PRKG2: variants seen among roughly 807,000 people sequenced by gnomAD.
PRKG2 encodes cGMP-dependent protein kinase 2.
A neutral mutation model predicts 97.2 loss-of-function variants in PRKG2; 33 were observed. That is an observed-to-expected ratio of 0.34 (90% CI 0.26 to 0.45). The LOEUF (loss-of-function observed/expected upper bound fraction) is 0.45. Ranked by LOEUF, PRKG2 falls within the 20% of genes least tolerant of loss-of-function variation. The pLI is 1.00. For missense variants in PRKG2, 638 were observed against 900.0 expected (o/e 0.71, Z 3.73); for synonymous variants, 330 against 321.8 (o/e 1.03, Z -0.27).
intron 17 of PRKG2, among the ~76,000 whole-genome samples, chr4:81,096,273 G>A (rs922731079): frequency 6.6e-6 from 1 of 152,152 alleles, no homozygotes; most frequent in African/African-American, 2.4e-5. Context: ...TGGGCATAGT[G>A]GCTCATGCCT....
intron 9 of PRKG2, among the ~76,000 whole-genome samples, chr4:81,146,286 T>C (rs1363976624): frequency 6.6e-6 from 1 of 152,160 alleles, no homozygotes; most frequent in Non-Finnish European, 1.5e-5. Flanking sequence ...AATCCTAAAG[T>C]CAAGTTTAAA....
chr4:81,213,440 T>C (rs1376792690), intron 1 of PRKG2, among the ~76,000 whole-genome samples: 1 of 151,904 alleles, frequency 6.6e-6, no homozygotes, highest in African/African-American at 2.4e-5. Context: ...CCTTAAGAGG[T>C]GAGCAGGCTG....
At chr4:81,186,729 C>T (rs1417214594) in intron 2 of PRKG2, among the ~76,000 whole-genome samples, 1 of 151,916 alleles carries the variant, frequency 6.6e-6, no homozygotes, top group Admixed American at 6.6e-5. Flanking sequence ...GACCCCTAGC[C>T]AGACTAATAA....
intron 2 of PRKG2, among the ~76,000 whole-genome samples, chr4:81,198,856 T>C (rs778324233): frequency 3.3e-5 from 5 of 152,196 alleles, no homozygotes; most frequent in Non-Finnish European, 7.3e-5. Context: ...AGTGTCTACA[T>C]GCACATTGTC....
chr4:81,101,987 C>G (rs1192395475), intron 17 of PRKG2, among the ~76,000 whole-genome samples: 1 of 152,104 alleles, frequency 6.6e-6, no homozygotes, highest in African/African-American at 2.4e-5. Flanking sequence ...CCACCTTCAG[C>G]TTTATAGCTT....
Position 81,171,747 on chromosome 4 carries a change from G to T in PRKG2, c.686C>A (p.Thr229Asn). ...EKLLSSIPMW[T>N]TFGELAILYN... ...TAAAATGGCAAGCTCCCCAAATGTGGTCCACATAGGGATGGAGGACAGCAA... is the reference window on the plus strand; with the variant it reads ...TAAAATGGCAAGCTCCCCAAATGTGTTCCACATAGGGATGGAGGACAGCAA... The change falls in exon 4 of 19, where the codon ACC becomes AAC. Residue 229 changes from threonine (T) to asparagine (N), a missense_variant. This residue lies in a region of PRKG2 where 332 missense variants were observed against 421.7 expected (regional missense o/e 0.79). Transcript: ENST00000264399. 1 of 1,611,344 alleles carries T rather than the reference G, an allele frequency of 6.2e-7. No individual in the cohort carries two copies. Among genetic ancestry groups the T allele is most frequent in the Non-Finnish European group, 8.5e-7 (1 of 1,178,650 alleles).
At chr4:81,181,996 A>T (rs886393654) in intron 2 of PRKG2, among the ~76,000 whole-genome samples, 1 of 151,866 alleles carries the variant, frequency 6.6e-6, no homozygotes, top group Non-Finnish European at 1.5e-5. Context: ...CCACCCAAAA[A>T]AGTCTAAACC....
intron 2 of PRKG2, among the ~76,000 whole-genome samples, chr4:81,189,500 C>A: frequency 6.9e-6 from 1 of 145,740 alleles, no homozygotes; most frequent in Non-Finnish European, 1.5e-5. Context: ...TCTCAGTAAA[C>A]TATCGCAAGA....
intron 12 of PRKG2, among the ~76,000 whole-genome samples, chr4:81,139,053 C>T (rs1746993478): frequency 6.6e-6 from 1 of 152,134 alleles, no homozygotes; most frequent in Non-Finnish European, 1.5e-5. Flanking sequence ...CACTCTGGGG[C>T]ATTATAACAT....
At chr4:81,163,100 C>T (rs572717373) in intron 6 of PRKG2, among the ~76,000 whole-genome samples, 3 of 152,242 alleles carry the variant, frequency 2.0e-5, no homozygotes, top group Admixed American at 6.5e-5. Flanking sequence ...TTTTTCTCCA[C>T]GGATGATTCT....
chr4:81,105,654 C>T (rs1310254298), intron 16 of PRKG2, among the ~76,000 whole-genome samples, 159 bp downstream of exon 16: 1 of 152,136 alleles, frequency 6.6e-6, no homozygotes, highest in East Asian at 1.9e-4. Context: ...CTAAAACCCC[C>T]TACACTGCAA....
At chr4:81,103,842 C>A (rs533867912) in intron 17 of PRKG2, among the ~76,000 whole-genome samples, 1 of 152,082 alleles carries the variant, frequency 6.6e-6, no homozygotes, top group South Asian at 2.1e-4. Context: ...ACCAGCCTGG[C>A]CAACATGGTG....
chr4:81,165,383 T>C lies in PRKG2; in HGVS notation c.912+1778A>G, dbSNP rs1359193731. Among the ~76,000 whole-genome samples, 2 of 152,116 alleles carry C rather than the reference T, an allele frequency of 1.3e-5. 1 individual carries two copies. Among genetic ancestry groups the C allele is most frequent in the Admixed American group, 1.3e-4 (2 of 15,264 alleles). ...ATCAACTCCTAAACTGCATGACAGA[T>C]TTAGCCTGTTTTTTTCAAAGATTAT... On this transcript the variant is annotated intron_variant, in intron 6 of 18. Coordinates refer to ENST00000264399, the MANE Select transcript of PRKG2 (RefSeq NM_006259.3).
rs375917272 is a variant in PRKG2, at chr4:81,148,875, T to C, written c.1154+9A>G. ...AGTGGCCTGCCTCCTCCAACATCAG[T>C]ATACTCACTCTCGATCTATAACCAG... On this transcript the variant is annotated intron_variant, in intron 9 of 18. Transcript: ENST00000264399. 134 of 1,613,010 alleles carry C rather than the reference T, an allele frequency of 8.3e-5. No individual in the cohort carries two copies. The African/African-American group carries it at 1.5e-3, about 18-fold the overall frequency.
intron 6 of PRKG2, among the ~76,000 whole-genome samples, chr4:81,155,467 A>T (rs1483273739): frequency 6.6e-6 from 1 of 152,174 alleles, no homozygotes; most frequent in African/African-American, 2.4e-5. Context: ...TGTACCTGAA[A>T]GTGATGGGGA....
intron 2 of PRKG2, among the ~76,000 whole-genome samples, chr4:81,188,516 T>C (rs1752109204): frequency 7.1e-6 from 1 of 141,604 alleles, no homozygotes; most frequent in Non-Finnish European, 1.5e-5. Flanking sequence ...AGCCATCCCA[T>C]TACTGGGTAT....
intron 6 of PRKG2, among the ~76,000 whole-genome samples, chr4:81,154,828 G>A (rs1296392578): frequency 2.0e-5 from 3 of 152,236 alleles, no homozygotes; most frequent in East Asian, 1.9e-4. Flanking sequence ...TCTGAGCTAC[G>A]GGAGGACATT....
chr4:81,166,515 A>C (rs190639672), intron 6 of PRKG2, among the ~76,000 whole-genome samples: 48 of 152,254 alleles, frequency 3.2e-4, no homozygotes, highest in Admixed American at 7.9e-4. Flanking sequence ...TATCGTTAGA[A>C]TCCAAGGTAC....
chr4:81,139,775 A>T (rs1444146918), intron 12 of PRKG2, among the ~76,000 whole-genome samples: 1 of 135,922 alleles, frequency 7.4e-6, no homozygotes, highest in Non-Finnish European at 1.5e-5. Flanking sequence ...ATTCCGTCTC[A>T]AAAGACAAAA....
Sources: gnomAD v4.1 joint callset for allele counts (sites outside exome capture counted in the v4.1 genomes callset) on GRCh38, gnomAD v4.1.1 for gene constraint, gnomAD v4.1.1 regional missense constraint, MANE v1.5 for transcripts, NCBI Gene and HGNC (gene_info 2026-07-23, HGNC 2026-07-21) for gene names.